The following TTC29 variants were observed in gnomAD, a reference collection of about 807,000 sequenced individuals.
TTC29 encodes the protein tetratricopeptide repeat protein 29.
TTC29 carries 49 observed loss-of-function variants against 58.1 expected under a neutral mutation model. The observed-to-expected ratio is 0.84, with a 90% confidence interval of 0.67 to 1.07. The LOEUF (loss-of-function observed/expected upper bound fraction) is 1.07. TTC29 is among the 50% of genes least tolerant of loss of function. The probability of loss-of-function intolerance (pLI) is 0.00; values close to 1 mark genes in which losing one functional copy is unlikely to be tolerated. For synonymous variants in TTC29, 209 were observed against 196.8 expected (o/e 1.06, Z -0.52); for missense variants, 582 against 555.6 (o/e 1.05, Z -0.48).
In TTC29 at chr4:146,909,219, A is replaced by C. The variant is rs759039004; in HGVS notation, c.207T>G (p.Cys69Trp). The change falls in exon 5 of 13, where the codon TGT (cysteine) becomes TGG (tryptophan). Residue 69 changes from cysteine (C) to tryptophan (W), a missense_variant. Cys to Trp is a radical substitution (Grantham distance 215). Transcript: ENST00000325106. ...GATAACCATCTCGCAGCATGTCCAC[A>C]CAGATATTCTTCTTGTAGGAGTTCC... ...AYRNSYKKNI[C>W]VDMLRDGYHK... 1 of 1,613,350 alleles carries C rather than the reference A, an allele frequency of 6.2e-7. No individual in the cohort carries two copies. The highest frequency in any genetic ancestry group is 2.2e-5 in the East Asian group (1 of 44,746).
At chr4:146,754,377 G>T (rs903017984) in intron 11 of TTC29, among the ~76,000 whole-genome samples, 8 of 151,600 alleles carry the variant, frequency 5.3e-5, no homozygotes, top group African/African-American at 1.9e-4. Flanking sequence ...AACATACAAA[G>T]AAGAATTATA....
intron 11 of TTC29, among the ~76,000 whole-genome samples, chr4:146,772,441 C>T (rs1400135171): frequency 1.3e-5 from 2 of 151,978 alleles, no homozygotes; most frequent in Admixed American, 6.6e-5. Flanking sequence ...GTTTCAATCT[C>T]CTCCATATGG....
intron 11 of TTC29, among the ~76,000 whole-genome samples, chr4:146,757,900 C>T (rs1173803243): frequency 1.3e-5 from 2 of 150,468 alleles, no homozygotes; most frequent in Admixed American, 1.3e-4. Context: ...AACAAAAATA[C>T]AGGTTAAAAA....
chr4:146,787,096 G>GAT (rs1257985217), intron 11 of TTC29, among the ~76,000 whole-genome samples: 3 of 152,092 alleles, frequency 2.0e-5, no homozygotes, highest in Non-Finnish European at 2.9e-5. Context: ...TAACATTTTA[G>GAT]ATATATATTA....
chr4:146,884,041 A>G (rs1165963592), intron 6 of TTC29, among the ~76,000 whole-genome samples: 1 of 152,116 alleles, frequency 6.6e-6, no homozygotes, highest in Non-Finnish European at 1.5e-5. Context: ...TAGATCAAAC[A>G]TGGTATAATT....
At chr4:146,863,411 A>T (rs1730371138) in intron 8 of TTC29, among the ~76,000 whole-genome samples, 5 of 152,124 alleles carry the variant, frequency 3.3e-5, no homozygotes, top group Admixed American at 3.3e-4. Flanking sequence ...CTCTCTAGGA[A>T]ATCTCATCCA....
chr4:146,827,174 C>T (rs898984912), intron 9 of TTC29, among the ~76,000 whole-genome samples: 3 of 152,128 alleles, frequency 2.0e-5, no homozygotes, highest in African/African-American at 7.2e-5. Flanking sequence ...GGCTCCCCTT[C>T]CCCATGTGGC....
chr4:146,816,124 AAGTTAAATTTCATC>A (rs765395175), intron 10 of TTC29, among the ~76,000 whole-genome samples: 9 of 152,220 alleles, frequency 5.9e-5, no homozygotes, highest in East Asian at 5.8e-4. Context: ...CAACTTCCAG[AAGTTAAATTTCATC>A]AGTTCATCCC....
intron 7 of TTC29, among the ~76,000 whole-genome samples, chr4:146,870,872 C>A (rs1344040992): frequency 6.6e-6 from 1 of 151,944 alleles, no homozygotes; most frequent in South Asian, 2.1e-4. Flanking sequence ...GAAGAAAAGG[C>A]TAGCCAGGCT....
In TTC29 at chr4:146,803,438, C is replaced by T. The variant is rs12506936; in HGVS notation, c.1330+19G>A. Reference sequence around the variant, plus strand: ...AGAATGATATGAAAACTAAAGTGTTCTAAAAACCAATGCCTTACCAGTAAC... The same window carrying T: ...AGAATGATATGAAAACTAAAGTGTTTTAAAAACCAATGCCTTACCAGTAAC... On this transcript the variant is annotated intron_variant, in intron 11 of 12. Coordinates refer to ENST00000325106, the MANE Select transcript of TTC29 (RefSeq NM_031956.4). 1 of 1,508,228 alleles carries T rather than the reference C, an allele frequency of 6.6e-7. No homozygotes were observed. The highest frequency in any genetic ancestry group is 9.0e-7 in the Non-Finnish European group (1 of 1,112,338). 93.4% of individuals were successfully genotyped at this position (1,508,228 alleles called of 1,614,324 possible).
intron 11 of TTC29, among the ~76,000 whole-genome samples, chr4:146,787,304 C>A (rs775680882): frequency 6.6e-6 from 1 of 152,136 alleles, no homozygotes; most frequent in Non-Finnish European, 1.5e-5. Flanking sequence ...AAGAATTCTA[C>A]TTAAACATCA....
In TTC29 at chr4:146,706,972, T is replaced by A; in HGVS notation, c.*186A>T. On this transcript the variant is annotated 3_prime_UTR_variant, in exon 13 of 13. Coordinates refer to ENST00000325106, the MANE Select transcript of TTC29 (RefSeq NM_031956.4). ...TCTAAGAATTGGAATATATTTTATT[T>A]TCATGGATTTAGATGTTTTGGATTA... The A allele has an allele frequency of 2.5e-6, 1 of 397,976 alleles. No homozygotes were observed. Among genetic ancestry groups the A allele is most frequent in the Non-Finnish European group, 4.4e-6 (1 of 225,636 alleles). The allele number at this position is 397,976 out of a possible 1,614,324, so 24.7% of individuals were successfully genotyped here. A position where few individuals can be genotyped will look rare whatever the true frequency, so the allele number is the denominator to read the frequency against.
At chr4:146,811,161 T>C (rs1373493400) in intron 10 of TTC29, among the ~76,000 whole-genome samples, 1 of 152,180 alleles carries the variant, frequency 6.6e-6, no homozygotes, top group African/African-American at 2.4e-5. Context: ...TGTTAGTCAG[T>C]GTCACCTCTA....
At chr4:146,831,853 T>A in intron 9 of TTC29, 3 of 308,734 alleles carry the variant, frequency 9.7e-6, no homozygotes, top group South Asian at 8.3e-5. Flanking sequence ...ATTTCAATAT[T>A]TGTCCAGTGA....
intron 6 of TTC29, among the ~76,000 whole-genome samples, chr4:146,881,027 A>T (rs1731591849): frequency 6.6e-6 from 1 of 152,274 alleles, no homozygotes; most frequent in East Asian, 1.9e-4. Flanking sequence ...GCAACGCAAT[A>T]AGGGCAAAAG....
chr4:146,893,019 T>G (rs1014393155), intron 6 of TTC29, among the ~76,000 whole-genome samples: 3 of 152,080 alleles, frequency 2.0e-5, no homozygotes, highest in African/African-American at 7.2e-5. Flanking sequence ...CACTGCTCAA[T>G]GAAATAAAAG....
intron 11 of TTC29, among the ~76,000 whole-genome samples, chr4:146,718,391 T>C (rs1354483294): frequency 2.0e-5 from 3 of 152,176 alleles, no homozygotes; most frequent in Non-Finnish European, 4.4e-5. Flanking sequence ...CCTTTCATCT[T>C]TTTGGTAACA....
intron 11 of TTC29, among the ~76,000 whole-genome samples, chr4:146,730,670 G>A (rs1175331760): frequency 6.6e-6 from 1 of 152,150 alleles, no homozygotes; most frequent in Non-Finnish European, 1.5e-5. Flanking sequence ...GAATTTATAT[G>A]ACGAAGGAGT....
Position 146,925,444 on chromosome 4 carries a change from T to C in TTC29, c.176+12150A>G, listed in dbSNP as rs886897034. ...GCCAACTCCTTTTATCATTATAAAATATCATTTTTTTCCATAGTAATATTT... is the reference window on the plus strand; with the variant it reads ...GCCAACTCCTTTTATCATTATAAAACATCATTTTTTTCCATAGTAATATTT... On this transcript the variant is annotated intron_variant, in intron 4 of 12. Transcript: ENST00000325106. Among the ~76,000 whole-genome samples, 5 of 152,136 alleles carry C rather than the reference T, an allele frequency of 3.3e-5. No homozygotes were observed. The East Asian group carries it at 9.6e-4, about 29-fold the overall frequency.
Sources: allele counts gnomAD v4.1 joint callset (sites outside exome capture counted in the v4.1 genomes callset), GRCh38; gene constraint gnomAD v4.1.1; transcripts MANE v1.5; gene names NCBI Gene and HGNC (gene_info 2026-07-23, HGNC 2026-07-21).